TAX1BP1: variants seen among roughly 807,000 people sequenced by gnomAD.
TAX1BP1 encodes the protein tax1-binding protein 1.
A neutral mutation model predicts 97.7 loss-of-function variants in TAX1BP1; 62 were observed. The observed-to-expected ratio is 0.63, with a 90% CI of 0.52 to 0.78. The LOEUF (loss-of-function observed/expected upper bound fraction) is 0.78. Among genes scored for constraint, TAX1BP1 ranks in the 30% least tolerant of loss-of-function variants. The pLI, the probability that TAX1BP1 is intolerant of heterozygous loss-of-function variation, is 0.00. For missense variants in TAX1BP1, 867 were observed against 916.1 expected, an observed-to-expected ratio of 0.95 and a Z score of 0.69; for synonymous variants, 340 against 304.2, an observed-to-expected ratio of 1.12 and a Z score of -1.23.
chr7:27,761,502 C>T (rs1250257675), intron 3 of TAX1BP1, among the ~76,000 whole-genome samples: 1 of 152,186 alleles, frequency 6.6e-6, no homozygotes, highest in Non-Finnish European at 1.5e-5. Flanking sequence ...TCCTTCCCTC[C>T]TGGTAAAACC....
At chr7:27,787,840 C>T (rs557243100) in intron 8 of TAX1BP1, among the ~76,000 whole-genome samples, 5 of 152,086 alleles carry the variant, frequency 3.3e-5, no homozygotes, top group African/African-American at 7.2e-5. Flanking sequence ...GCAAGTATTA[C>T]GATAATTTAC....
chr7:27,758,290 T>A, intron 3 of TAX1BP1, 157 bp downstream of exon 3: 1 of 492,202 alleles, frequency 2.0e-6, no homozygotes, highest in Non-Finnish European at 3.6e-6. Flanking sequence ...AATGTAACTG[T>A]CTGGTGTAGG....
intron 2 of TAX1BP1, among the ~76,000 whole-genome samples, chr7:27,757,532 T>C (rs578010859): frequency 3.9e-4 from 59 of 152,234 alleles, no homozygotes; most frequent in African/African-American, 1.4e-3. Context: ...AATTTTGATA[T>C]ATGTGAAAAT....
intron 5 of TAX1BP1, among the ~76,000 whole-genome samples, chr7:27,784,412 A>G (rs1789387688): frequency 1.3e-5 from 2 of 152,046 alleles, no homozygotes; most frequent in Non-Finnish European, 2.9e-5. Flanking sequence ...TGCACTTACT[A>G]CCTCTTTTAT....
intron 13 of TAX1BP1, among the ~76,000 whole-genome samples, chr7:27,806,135 C>T (rs1330978296): frequency 1.3e-5 from 2 of 149,164 alleles, no homozygotes; most frequent in Non-Finnish European, 3.0e-5. Context: ...GCCCAGGCAA[C>T]AGTGCAGTGG....
chr7:27,743,564 A>T (rs940086417), intron 1 of TAX1BP1, among the ~76,000 whole-genome samples: 1 of 152,198 alleles, frequency 6.6e-6, no homozygotes, highest in Non-Finnish European at 1.5e-5. Context: ...GAGTGTTACT[A>T]ATCTGTTTCA....
intron 2 of TAX1BP1, among the ~76,000 whole-genome samples, chr7:27,756,448 C>T (rs1788219053): frequency 6.6e-6 from 1 of 152,114 alleles, no homozygotes; most frequent in Non-Finnish European, 1.5e-5. Context: ...TTGGTAGGCT[C>T]AGTTCTCAGG....
chr7:27,749,652 T>C (rs1787952472), intron 2 of TAX1BP1, among the ~76,000 whole-genome samples: 2 of 152,256 alleles, frequency 1.3e-5, no homozygotes, highest in Admixed American at 1.3e-4. Context: ...TTCTTTGAAT[T>C]CCTCATTTCT....
chr7:27,824,549 C>CAAAAAAAA (rs34757943), intron 15 of TAX1BP1, among the ~76,000 whole-genome samples: 1 of 91,632 alleles, frequency 1.1e-5, no homozygotes, highest in Non-Finnish European at 2.1e-5. Flanking sequence ...GACCTTGTCT[C>CAAAAAAAA]AAAAAAAAAA....
intron 2 of TAX1BP1, among the ~76,000 whole-genome samples, chr7:27,755,260 T>A (rs1788170125): frequency 6.6e-6 from 1 of 152,216 alleles, no homozygotes; most frequent in African/African-American, 2.4e-5. Flanking sequence ...TGTGGGCGTT[T>A]TTCCTCACTT....
At chr7:27,822,184 C>G (rs1791003517) in intron 15 of TAX1BP1, among the ~76,000 whole-genome samples, 1 of 152,250 alleles carries the variant, frequency 6.6e-6, no homozygotes, top group African/African-American at 2.4e-5. Context: ...AGTCTGAAAT[C>G]TGAAACACTT....
rs34347226 is a variant in TAX1BP1 at position 27,769,730 on chromosome 7, G to A, written c.508G>A (p.Val170Ile). 59 of 1,612,218 alleles carry A rather than the reference G, an allele frequency of 3.7e-5. No homozygotes were observed. The highest frequency in any genetic ancestry group is 8.0e-5 in the African/African-American group (6 of 74,824). Residue 170 changes from valine (V) to isoleucine (I), a missense_variant, in exon 5 of 17, where the codon GTT (valine) becomes ATT (isoleucine). Val to Ile is a conservative substitution (Grantham distance 29, BLOSUM62 3). This residue lies in a region of TAX1BP1 where 822 missense variants were observed against 851.4 expected (regional missense o/e 0.97). Coordinates refer to ENST00000396319, the MANE Select transcript of TAX1BP1 (RefSeq NM_006024.7). ...AGAAGAACTGTTAAAGTTAATTGCC[G>A]TTCTGGAAAAAGAAACAGCACAACT... ...EKEELLKLIA[V>I]LEKETAQLRE... is the part of the protein sequence containing the mutation.
chr7:27,748,816 A>G, intron 2 of TAX1BP1, 130 bp downstream of exon 2: 1 of 598,664 alleles, frequency 1.7e-6, no homozygotes, highest in Non-Finnish European at 2.5e-6. Flanking sequence ...ACCATGAAAT[A>G]TTTAACAGTG....
chr7:27,797,641 A>AT (rs565011436), intron 12 of TAX1BP1, among the ~76,000 whole-genome samples: 11,736 of 148,046 alleles, frequency 0.079, 646 homozygotes, highest in Middle Eastern at 0.12. Context: ...GTTAAAATGA[A>AT]TTTTTTTTTT....
In TAX1BP1 at chr7:27,817,032, T is replaced by C; in HGVS notation, c.2079T>C (p.Asp693=). The change falls in exon 15 of 17, where the codon GAT becomes GAC. Residue 693 remains aspartate (D), a synonymous_variant. Coordinates refer to ENST00000396319, the MANE Select transcript of TAX1BP1 (RefSeq NM_006024.7). ...CTGATGGCTTAGAGGACTCTGAGGA[T>C]AGCAAAGTAAATTGAATTTTCATTG... ...SRPDGLEDSE[D]SKEDENVPTA... is the part of the protein sequence containing the mutation. 6.2e-7 allele frequency: 1 copy of C among 1,601,870 alleles called. No homozygotes were observed.
intron 15 of TAX1BP1, among the ~76,000 whole-genome samples, chr7:27,824,265 C>T (rs945288189): frequency 1.3e-5 from 2 of 152,000 alleles, no homozygotes; most frequent in Admixed American, 1.3e-4. Flanking sequence ...CAGGTTATAA[C>T]CCCCTTTACC....
Position 27,820,581 on chromosome 7 carries a change from A to T in TAX1BP1, c.2085+3543A>T, listed in dbSNP as rs1258442745. Among the ~76,000 whole-genome samples the T allele has an allele frequency of 2.6e-5, 4 of 152,212 alleles. 1 individual carries two copies. The highest frequency in any genetic ancestry group is 9.6e-5 in the African/African-American group (4 of 41,458). ...GTGTGATTACAGTCAATTCATTTTT[A>T]TCAAGAGAGCCAAGACAATTCAAGA... On this transcript the variant is annotated intron_variant, in intron 15 of 16. Coordinates refer to ENST00000396319, the MANE Select transcript of TAX1BP1 (RefSeq NM_006024.7).
chr7:27,771,071 C>T (rs1788826121), intron 5 of TAX1BP1, among the ~76,000 whole-genome samples: 1 of 140,148 alleles, frequency 7.1e-6, no homozygotes, highest in South Asian at 2.3e-4. Context: ...AATATGTGCC[C>T]TCGATGACTA....
intron 10 of TAX1BP1, 94 bp from the exon 11 acceptor site, chr7:27,794,229 G>A (rs1438453062): frequency 2.1e-5 from 23 of 1,119,804 alleles, no homozygotes; most frequent in Admixed American, 5.7e-5. Flanking sequence ...ATTTCCTAAA[G>A]TAATATGTAA....
Sources: gnomAD v4.1 joint callset for allele counts (sites outside exome capture counted in the v4.1 genomes callset) on GRCh38, gnomAD v4.1.1 for gene constraint, gnomAD v4.1.1 regional missense constraint, MANE v1.5 for transcripts, NCBI Gene and HGNC (gene_info 2026-07-23, HGNC 2026-07-21) for gene names.